Variants in TRARG1 observed in about 807,000 individuals in gnomAD.
TRARG1 encodes trafficking regulator of GLUT4 (SLC2A4) 1 (gene/pseudogene).
In TRARG1, 16 loss-of-function variants were observed where a neutral mutation model predicts 13.3. The ratio of observed to expected loss-of-function variants is 1.20; its 90% CI spans 0.81 to 1.83. TRARG1 has a LOEUF of 1.83. Ranked by LOEUF, TRARG1 falls within the 40% of genes most tolerant of loss-of-function variation. The pLI is 0.00. For missense variants in TRARG1, 250 were observed against 237.4 expected (o/e 1.05, Z -0.35); for synonymous variants, 113 against 106.2 (o/e 1.06, Z -0.39).
intron 1 of TRARG1, among the ~76,000 whole-genome samples, chr17:1,282,752 C>T (rs188438661): frequency 1.1e-4 from 16 of 151,996 alleles, no homozygotes; most frequent in East Asian, 1.9e-4. Flanking sequence ...TGCAATGGTG[C>T]GATCTTGGCT....
At chr17:1,289,552 C>T (rs532291879) in intron 1 of TRARG1, among the ~76,000 whole-genome samples, 4 of 151,040 alleles carry the variant, frequency 2.6e-5, no homozygotes, top group Non-Finnish European at 5.9e-5. Flanking sequence ...CCGGACACGG[C>T]ACTGTCAGCC....
At chr17:1,291,797 G>C (rs545845306) in intron 1 of TRARG1, among the ~76,000 whole-genome samples, 1 of 152,280 alleles carries the variant, frequency 6.6e-6, no homozygotes, top group Admixed American at 6.5e-5. Flanking sequence ...GGAGGGATTT[G>C]GACATATGGT....
chr17:1,282,296 G>GTGCGTA (rs2071987787), intron 1 of TRARG1, among the ~76,000 whole-genome samples: 2 of 150,316 alleles, frequency 1.3e-5, no homozygotes, highest in African/African-American at 2.5e-5. Context: ...ATATATGTAC[G>GTGCGTA]TATATGTACA....
intron 1 of TRARG1, among the ~76,000 whole-genome samples, chr17:1,282,443 T>C (rs908463680): frequency 2.0e-5 from 3 of 151,922 alleles, no homozygotes; most frequent in Non-Finnish European, 4.4e-5. Flanking sequence ...CGATCTCGGC[T>C]CACTGCAACC....
At chr17:1,284,584 T>C (rs1340382802) in intron 1 of TRARG1, among the ~76,000 whole-genome samples, 2 of 152,220 alleles carry the variant, frequency 1.3e-5, no homozygotes, top group Non-Finnish European at 2.9e-5. Flanking sequence ...CGACCATTCA[T>C]TCATTCAGTC....
intron 1 of TRARG1, among the ~76,000 whole-genome samples, chr17:1,294,939 C>G (rs1396292901): frequency 6.6e-6 from 1 of 152,200 alleles, no homozygotes; most frequent in East Asian, 1.9e-4. Context: ...CCGCCTCAGC[C>G]TCTCCAAGTG....
At chr17:1,282,258 ATATGTACATATATGCACG>A (rs2071985776) in intron 1 of TRARG1, among the ~76,000 whole-genome samples, 1 of 143,970 alleles carries the variant, frequency 6.9e-6, no homozygotes, top group African/African-American at 2.9e-5. Flanking sequence ...ATATGTACGT[ATATGTACATATATGCACG>A]TATATGTACA....
intron 1 of TRARG1, among the ~76,000 whole-genome samples, chr17:1,282,974 G>T (rs951625119): frequency 1.3e-5 from 2 of 152,122 alleles, no homozygotes; most frequent in Non-Finnish European, 2.9e-5. Context: ...ACAGGCAAGT[G>T]CCCACCACAC....
At chr17:1,288,240 TCC>T (rs924973017) in intron 1 of TRARG1, among the ~76,000 whole-genome samples, 1 of 123,856 alleles carries the variant, frequency 8.1e-6, no homozygotes, top group Non-Finnish European at 1.7e-5. Flanking sequence ...CCCCACCAGC[TCC>T]CCATCCCCCA....
intron 1 of TRARG1, among the ~76,000 whole-genome samples, chr17:1,294,301 G>A (rs1445067762): frequency 6.6e-6 from 1 of 152,018 alleles, no homozygotes; most frequent in Admixed American, 6.6e-5. Context: ...AGCTCACCGA[G>A]GAGTGATACA....
intron 1 of TRARG1, 61 bp from the exon 2 acceptor site, chr17:1,295,430 G>C (rs911086774): frequency 6.5e-7 from 1 of 1,530,520 alleles, no homozygotes; most frequent in East Asian, 2.3e-5. Flanking sequence ...GCCTGCTGAG[G>C]CCCATGAAGC....
chr17:1,279,974 G>A lies in TRARG1; in HGVS notation c.-28G>A. 1 of 1,585,256 alleles carries A rather than the reference G, an allele frequency of 6.3e-7. No individual in the cohort carries two copies. ...CCAGAGCCCCTTGTCCCAGCCTGGA[G>A]CTGCAGCCGCGCAAGGCCCAGGCCC... On this transcript the variant is annotated 5_prime_UTR_variant, in exon 1 of 3. Transcript: ENST00000333813.
At chr17:1,295,094 G>A (rs759095217) in intron 1 of TRARG1, among the ~76,000 whole-genome samples, 1 of 152,196 alleles carries the variant, frequency 6.6e-6, no homozygotes, top group African/African-American at 2.4e-5. Context: ...TCCCAAAGCC[G>A]CTGCAGAATT....
intron 1 of TRARG1, among the ~76,000 whole-genome samples, chr17:1,283,572 C>T (rs370355824): frequency 6.6e-6 from 1 of 151,976 alleles, no homozygotes; most frequent in African/African-American, 2.4e-5. Context: ...TTTGGGAGGC[C>T]GAGGCGGGTG....
chr17:1,282,159 CAT>C (rs1247347745), intron 1 of TRARG1, among the ~76,000 whole-genome samples: 2 of 150,280 alleles, frequency 1.3e-5, no homozygotes, highest in African/African-American at 4.9e-5. Flanking sequence ...TATACACGTG[CAT>C]ATATGTACGT....
At chr17:1,282,025 TGTAC>T (rs1567927878) in intron 1 of TRARG1, among the ~76,000 whole-genome samples, 2 of 142,186 alleles carry the variant, frequency 1.4e-5, no homozygotes, top group Non-Finnish European at 3.1e-5. Context: ...CATATACATA[TGTAC>T]ATATATACAC....
At chr17:1,284,451 G>C (rs1297735718) in intron 1 of TRARG1, among the ~76,000 whole-genome samples, 1 of 152,178 alleles carries the variant, frequency 6.6e-6, no homozygotes, top group Non-Finnish European at 1.5e-5. Context: ...GGTTGGAGGG[G>C]ATGAGGCTGG....
At chr17:1,294,326 C>T (rs770203474) in intron 1 of TRARG1, among the ~76,000 whole-genome samples, 49 of 152,134 alleles carry the variant, frequency 3.2e-4, no homozygotes, top group Admixed American at 8.5e-4. Context: ...ACAAGGCCCC[C>T]GTGAAGCCAC....
At chr17:1,286,137 C>T (rs991003223) in intron 1 of TRARG1, among the ~76,000 whole-genome samples, 1 of 152,186 alleles carries the variant, frequency 6.6e-6, no homozygotes, top group Non-Finnish European at 1.5e-5. Flanking sequence ...AAGGAGAGGC[C>T]GTGAGGGCAG....
Sources: allele counts gnomAD v4.1 joint callset (sites outside exome capture counted in the v4.1 genomes callset), GRCh38; gene constraint gnomAD v4.1.1; transcripts MANE v1.5; gene names NCBI Gene and HGNC (gene_info 2026-07-23, HGNC 2026-07-21).